Variants in PCNX2 observed in about 807,000 individuals in gnomAD.
PCNX2 encodes pecanex 2.
PCNX2 carries 168 observed loss-of-function variants against 223.8 expected under a neutral mutation model. The ratio of observed to expected loss-of-function variants is 0.75; its 90% CI spans 0.66 to 0.85. PCNX2 has a LOEUF of 0.85. PCNX2 is among the 40% of genes least tolerant of loss of function. The probability of loss-of-function intolerance (pLI) is 0.00; values close to 1 mark genes in which losing one functional copy is unlikely to be tolerated. For synonymous variants in PCNX2, 1,006 were observed against 1,052.6 expected, an observed-to-expected ratio of 0.96 and a Z score of 0.86; for missense variants, 2,507 against 2,675.5, an observed-to-expected ratio of 0.94 and a Z score of 1.39.
At chr1:233,083,610 G>A (rs886150612) in intron 23 of PCNX2, among the ~76,000 whole-genome samples, 88 of 152,302 alleles carry the variant, frequency 5.8e-4, no homozygotes, top group African/African-American at 2.0e-3. Context: ...TGAGATTCAC[G>A]AGAGCTCACT....
chr1:233,284,712 T>C (rs1407015113), intron 1 of PCNX2, among the ~76,000 whole-genome samples: 2 of 152,146 alleles, frequency 1.3e-5, no homozygotes, highest in Non-Finnish European at 2.9e-5. Context: ...CCAACAAACA[T>C]GTCCAGTTAG....
Position 233,077,406 on chromosome 1 carries a change from C to T in PCNX2, c.4076+12655G>A, listed in dbSNP as rs577679493. Reference sequence around the variant, plus strand: ...CACCGGTGTTTTCCTAAAACAGCCTCTTGGAAAACAGGGAAAAACACCCTC... The same window carrying T: ...CACCGGTGTTTTCCTAAAACAGCCTTTTGGAAAACAGGGAAAAACACCCTC... On this transcript the variant is annotated intron_variant, in intron 23 of 33. Transcript: ENST00000258229. Among the ~76,000 whole-genome samples the T allele has an allele frequency of 1.2e-4, 19 of 152,242 alleles. No individual in the cohort carries two copies. In the South Asian group the frequency reaches 3.1e-3, roughly 25 times the overall value.
chr1:232,995,684 C>A (rs558134429), intron 32 of PCNX2, among the ~76,000 whole-genome samples: 83 of 1,610 alleles, frequency 0.052, 1 homozygote, highest in African/African-American at 0.15. Context: ...CTTAAAAATC[C>A]AATTTAAAAA....
chr1:233,130,554 G>A lies in PCNX2; in HGVS notation c.3837+4459C>T, dbSNP rs1272312857. On this transcript the variant is annotated intron_variant, in intron 21 of 33. Coordinates refer to ENST00000258229, the MANE Select transcript of PCNX2 (RefSeq NM_014801.4). The stretch of plus-strand genomic sequence containing the variant: ...GGCTGGAGTGCAGTGGCGCAATCTC[G>A]GCTCACTGCAAGCTCCACCTCCTGG... 6.9e-4 allele frequency among the ~76,000 whole-genome samples: 104 copies of A among 150,178 alleles called. 1 individual carries two copies. Among genetic ancestry groups the A allele is most frequent in the Non-Finnish European group, 1.8e-4 (12 of 67,600 alleles).
chr1:233,166,816 C>T (rs147203089), intron 17 of PCNX2, among the ~76,000 whole-genome samples: 1 of 152,014 alleles, frequency 6.6e-6, no homozygotes, highest in Non-Finnish European at 1.5e-5. Flanking sequence ...TAGGTGCAAC[C>T]CATTATGAAA....
At chr1:233,198,756 G>A (rs1680881631) in intron 15 of PCNX2, among the ~76,000 whole-genome samples, 183 bp downstream of exon 15, 1 of 152,080 alleles carries the variant, frequency 6.6e-6, no homozygotes, top group South Asian at 2.1e-4. Context: ...TTCACATTAG[G>A]GCCAACCAGG....
In PCNX2 at chr1:233,236,941, C is replaced by A. The variant is rs995375629; in HGVS notation, c.2262G>T (p.Glu754Asp). ...GGTCCCCAGAAGACGGATCTTGACT[C>A]TCAGAAGTTGTGGTACTGGAGGAGC... ...QVSSSSTTTSESQDPSSGDPA... is the reference protein window; with the variant it reads ...QVSSSSTTTSDSQDPSSGDPA... The change falls in exon 9 of 34, where the codon GAG (glutamate) becomes GAT (aspartate). Residue 754 changes from glutamate (E) to aspartate (D), a missense_variant. Glu to Asp is a conservative substitution (Grantham distance 45). This residue lies in a region of PCNX2 where 1,031 missense variants were observed against 1,021.7 expected (regional missense o/e 1.01). Transcript: ENST00000258229. 1 of 1,613,964 alleles carries A rather than the reference C, an allele frequency of 6.2e-7. No homozygotes were observed. The highest frequency in any genetic ancestry group is 8.5e-7 in the Non-Finnish European group (1 of 1,179,862).
intron 12 of PCNX2, among the ~76,000 whole-genome samples, chr1:233,210,078 G>A (rs1260747268): frequency 1.3e-5 from 2 of 152,130 alleles, no homozygotes; most frequent in African/African-American, 4.8e-5. Context: ...TAACAAGTCT[G>A]AGATAGTATT....
At chr1:233,238,877 T>A (rs1171274657) in intron 8 of PCNX2, among the ~76,000 whole-genome samples, 1 of 152,220 alleles carries the variant, frequency 6.6e-6, no homozygotes, top group Non-Finnish European at 1.5e-5. Context: ...GTGCTTCCAT[T>A]ATTTAATGTT....
intron 10 of PCNX2, among the ~76,000 whole-genome samples, chr1:233,224,596 C>T (rs1056477462): frequency 1.3e-5 from 2 of 152,152 alleles, no homozygotes; most frequent in African/African-American, 4.8e-5. Context: ...ATGATTCCGA[C>T]CCACAGCCCT....
intron 1 of PCNX2, among the ~76,000 whole-genome samples, chr1:233,265,062 A>AC (rs902953700): frequency 4.1e-4 from 61 of 150,378 alleles, no homozygotes; most frequent in Non-Finnish European, 6.7e-4. Context: ...ACATAGTGAG[A>AC]CCCCCCCTCC....
At chr1:233,072,420 T>C (rs1335534263) in intron 23 of PCNX2, among the ~76,000 whole-genome samples, 2 of 152,144 alleles carry the variant, frequency 1.3e-5, no homozygotes, top group East Asian at 3.9e-4. Context: ...ATTGCTTGTT[T>C]TTGTCAGGTT....
chr1:233,002,248 A>G (rs1048817825), intron 28 of PCNX2, among the ~76,000 whole-genome samples: 4 of 152,210 alleles, frequency 2.6e-5, no homozygotes, highest in Non-Finnish European at 5.9e-5. Context: ...TTTTTTAATG[A>G]TGAGAGGAAG....
intron 19 of PCNX2, among the ~76,000 whole-genome samples, chr1:233,160,017 T>A (rs1411359170): frequency 6.6e-6 from 1 of 152,224 alleles, no homozygotes; most frequent in African/African-American, 2.4e-5. Flanking sequence ...TTAATATTTT[T>A]AAAAAACATT....
At chr1:233,135,963 G>C (rs928128797) in intron 20 of PCNX2, among the ~76,000 whole-genome samples, 1 of 152,180 alleles carries the variant, frequency 6.6e-6, no homozygotes, top group African/African-American at 2.4e-5. Flanking sequence ...TCTTACCTAA[G>C]GAGTCAGATT....
At chr1:233,150,274 T>C (rs1374768303) in intron 19 of PCNX2, among the ~76,000 whole-genome samples, 1 of 152,188 alleles carries the variant, frequency 6.6e-6, no homozygotes, top group East Asian at 1.9e-4. Context: ...GTACTGCTTC[T>C]TTTGGAGGGT....
intron 25 of PCNX2, among the ~76,000 whole-genome samples, chr1:233,045,202 T>C (rs1671784569): frequency 6.6e-6 from 1 of 152,198 alleles, no homozygotes; most frequent in South Asian, 2.1e-4. Flanking sequence ...CTAGCCTCTT[T>C]TGTAGTCATG....
chr1:233,280,380 C>G (rs1323096338), intron 1 of PCNX2, among the ~76,000 whole-genome samples: 1 of 150,842 alleles, frequency 6.6e-6, no homozygotes, highest in Non-Finnish European at 1.5e-5. Context: ...TCACTGCAAC[C>G]TCTGCCTCCT....
At chr1:233,169,749 CAATT>C (rs1210764793) in intron 17 of PCNX2, among the ~76,000 whole-genome samples, 1 of 151,366 alleles carries the variant, frequency 6.6e-6, no homozygotes, top group East Asian at 1.9e-4. Context: ...CCAACTAGTT[CAATT>C]AATCTAACAT....
Sources: gnomAD v4.1 joint callset for allele counts (sites outside exome capture counted in the v4.1 genomes callset) on GRCh38, gnomAD v4.1.1 for gene constraint, gnomAD v4.1.1 regional missense constraint, MANE v1.5 for transcripts, NCBI Gene and HGNC (gene_info 2026-07-23, HGNC 2026-07-21) for gene names.